Variants in ACSM3 observed in about 807,000 individuals in gnomAD.
ACSM3 encodes acyl-CoA synthetase medium chain family member 3, also known as acyl-coenzyme A synthetase ACSM3, mitochondrial.
A neutral mutation model predicts 74.1 loss-of-function variants in ACSM3; 61 were observed. The ratio of observed to expected loss-of-function variants is 0.82; its 90% CI spans 0.67 to 1.02. The LOEUF is 1.02. Ranked by LOEUF, ACSM3 falls within the 50% of genes least tolerant of loss-of-function variation. The probability of loss-of-function intolerance (pLI) is 0.00; values close to 1 mark genes in which losing one functional copy is unlikely to be tolerated. For synonymous variants in ACSM3, 213 were observed against 241.5 expected, an observed-to-expected ratio of 0.88 and a Z score of 1.09; for missense variants, 660 against 697.0, an observed-to-expected ratio of 0.95 and a Z score of 0.60.
intron 1 of ACSM3, among the ~76,000 whole-genome samples, chr16:20,678,862 G>A (rs1482494387): frequency 6.6e-6 from 1 of 152,102 alleles, no homozygotes; most frequent in African/African-American, 2.4e-5. Flanking sequence ...TCCAAGTCAG[G>A]TGCACCTCCA....
intron 1 of ACSM3, among the ~76,000 whole-genome samples, chr16:20,692,489 A>C (rs2152340575): frequency 6.6e-6 from 1 of 152,214 alleles, no homozygotes; most frequent in South Asian, 2.1e-4. Flanking sequence ...CTTTGTGGAG[A>C]CCAAGTTTTA....
intron 9 of ACSM3, among the ~76,000 whole-genome samples, chr16:20,786,826 A>T (rs1302172046): frequency 6.6e-6 from 1 of 152,234 alleles, no homozygotes; most frequent in Admixed American, 6.5e-5. Flanking sequence ...TAGAGTTGGG[A>T]TTCAATCCCA....
intron 9 of ACSM3, among the ~76,000 whole-genome samples, chr16:20,789,925 C>T (rs1190236135): frequency 1.3e-5 from 2 of 151,784 alleles, no homozygotes; most frequent in African/African-American, 4.8e-5. Context: ...CCACCCGCCT[C>T]GGCCTCCCAA....
At chr16:20,705,108 C>T (rs940759891) in intron 1 of ACSM3, among the ~76,000 whole-genome samples, 1 of 152,162 alleles carries the variant, frequency 6.6e-6, no homozygotes, top group African/African-American at 2.4e-5. Context: ...TGCGGTGGCT[C>T]ACGCCTGTAA....
intron 5 of ACSM3, 27 bp from the exon 6 acceptor site, chr16:20,780,947 C>T (rs1306284099): frequency 1.2e-6 from 2 of 1,613,660 alleles, no homozygotes; most frequent in African/African-American, 1.3e-5. Flanking sequence ...TTCCTATGTA[C>T]ATCAGGGCTA....
At chr16:20,772,713 T>TCTATGCATCTGTTTTTATGCCAATAC (rs2080207932) in intron 2 of ACSM3, among the ~76,000 whole-genome samples, 1 of 152,200 alleles carries the variant, frequency 6.6e-6, no homozygotes, top group African/African-American at 2.4e-5. Flanking sequence ...GTTTCATTGG[T>TCTATGCATCTGTTTTTATGCCAATAC]CTATGCATCT....
At chr16:20,730,973 C>T (rs144547300) in intron 1 of ACSM3, among the ~76,000 whole-genome samples, 1 of 152,302 alleles carries the variant, frequency 6.6e-6, no homozygotes, top group East Asian at 1.9e-4. Context: ...CATCCTCCCG[C>T]CTCAGCCTCC....
intron 1 of ACSM3, chr16:20,738,310 C>CAAAAA: frequency 1.8e-5 from 4 of 219,256 alleles, no homozygotes; most frequent in South Asian, 9.0e-5. Flanking sequence ...CACTTTTTTA[C>CAAAAA]AAAAAAAAAA....
chr16:20,738,912 T>C, intron 1 of ACSM3: 1 of 1,614,146 alleles, frequency 6.2e-7, no homozygotes, highest in East Asian at 2.2e-5. Context: ...CCAAGTGTCC[T>C]GATGAAGACA....
intron 1 of ACSM3, chr16:20,735,519 C>T (rs1456902081): frequency 6.6e-6 from 1 of 151,454 alleles, no homozygotes; most frequent in East Asian, 1.9e-4. Context: ...ATAATGTCAA[C>T]ATCAGGATTT....
intron 1 of ACSM3, among the ~76,000 whole-genome samples, chr16:20,708,781 T>G (rs2079734896): frequency 6.6e-6 from 1 of 152,364 alleles, no homozygotes; most frequent in East Asian, 1.9e-4. Context: ...AAAATTCATA[T>G]GGAACCACGA....
At chr16:20,681,250 A>ATAT (rs1338310217) in intron 1 of ACSM3, 6 of 152,256 alleles carry the variant, frequency 3.9e-5, no homozygotes, top group Non-Finnish European at 7.3e-5. Context: ...GAAATGCTAT[A>ATAT]TATTGAAATA....
intron 1 of ACSM3, among the ~76,000 whole-genome samples, chr16:20,747,005 T>C (rs1183032206): frequency 1.3e-5 from 2 of 152,220 alleles, no homozygotes; most frequent in African/African-American, 4.8e-5. Flanking sequence ...TGTGGGTACT[T>C]CCTTCCCACT....
intron 9 of ACSM3, chr16:20,789,413 G>T: frequency 8.5e-7 from 1 of 1,177,178 alleles, no homozygotes; most frequent in Non-Finnish European, 1.3e-6. Flanking sequence ...CTAGCTACTG[G>T]TAGACACTTC....
chr16:20,780,224 C>T (rs2080323396), intron 4 of ACSM3: 1 of 183,522 alleles, frequency 5.4e-6, no homozygotes, highest in Non-Finnish European at 1.2e-5. Flanking sequence ...TTTACAGAAA[C>T]AAGAGGCAAG....
intron 1 of ACSM3, chr16:20,737,727 T>G (rs148806918): frequency 7.4e-6 from 12 of 1,611,156 alleles, no homozygotes; most frequent in Non-Finnish European, 1.0e-5. Flanking sequence ...CTCTGATAAC[T>G]TCTTCTCTAT....
chr16:20,775,913 GGAAC>G lies in ACSM3; in HGVS notation c.295_298del (p.Glu99TrpfsTer24). The G allele has an allele frequency of 6.2e-7, 1 of 1,614,190 alleles. No homozygotes were observed. The highest frequency in any genetic ancestry group is 8.5e-7 in the Non-Finnish European group (1 of 1,180,028). On this transcript the variant is annotated frameshift_variant, in exon 3 of 14. Coordinates refer to ENST00000289416, the MANE Select transcript of ACSM3 (RefSeq NM_005622.4). LOFTEE classifies it high-confidence loss of function. ...GAGAAGAGATGCGATGGAGTTTTGA[GGAAC>G]TGGGATCTCTGTCCAGAAAATTTGC...
At chr16:20,779,374 T>G (rs1025485613) in intron 4 of ACSM3, among the ~76,000 whole-genome samples, 2 of 146,756 alleles carry the variant, frequency 1.4e-5, no homozygotes, top group African/African-American at 5.0e-5. Context: ...CAATGAGCCA[T>G]GACTGAGCCA....
chr16:20,699,952 G>A, intron 1 of ACSM3, among the ~76,000 whole-genome samples: 1 of 152,104 alleles, frequency 6.6e-6, no homozygotes, highest in East Asian at 1.9e-4. Context: ...TTAAACTCTA[G>A]TTCTGAACAA....
Sources: allele counts gnomAD v4.1 joint callset (sites outside exome capture counted in the v4.1 genomes callset), GRCh38; gene constraint gnomAD v4.1.1; transcripts MANE v1.5; gene names NCBI Gene and HGNC (gene_info 2026-07-23, HGNC 2026-07-21).